The following ABCB10 variants were observed in gnomAD, a reference collection of about 807,000 sequenced individuals.
The protein encoded by ABCB10 is ATP-binding cassette sub-family B member 10, mitochondrial.
A neutral mutation model predicts 65.4 loss-of-function variants in ABCB10; 54 were observed. The ratio of observed to expected loss-of-function variants is 0.83; its 90% CI spans 0.66 to 1.04. The LOEUF is 1.04. Ranked by LOEUF, ABCB10 falls within the 50% of genes least tolerant of loss-of-function variation. The pLI is 0.00. For synonymous variants in ABCB10, 418 were observed against 406.5 expected (o/e 1.03, Z -0.34); for missense variants, 846 against 976.6 (o/e 0.87, Z 1.78).
chr1:229,526,449 C>T (rs1427560732), intron 9 of ABCB10, among the ~76,000 whole-genome samples: 1 of 152,238 alleles, frequency 6.6e-6, no homozygotes, highest in Non-Finnish European at 1.5e-5. Flanking sequence ...TTGAAATACA[C>T]ACAAACCACA....
At chr1:229,522,392 G>A (rs1199691732) in intron 10 of ABCB10, among the ~76,000 whole-genome samples, 1 of 151,940 alleles carries the variant, frequency 6.6e-6, no homozygotes, top group Non-Finnish European at 1.5e-5. Context: ...ATTTTTTGGA[G>A]ACATGGTCTT....
At chr1:229,557,523 T>C (rs184885871) in intron 1 of ABCB10, among the ~76,000 whole-genome samples, 6 of 152,320 alleles carry the variant, frequency 3.9e-5, no homozygotes, top group Admixed American at 3.9e-4. Context: ...TAGAAAACTG[T>C]CCTATTTAAA....
chr1:229,555,979 CAA>C (rs34673510), intron 1 of ABCB10, among the ~76,000 whole-genome samples: 52 of 124,168 alleles, frequency 4.2e-4, no homozygotes, highest in African/African-American at 7.5e-4. Flanking sequence ...GTTTGAAAAG[CAA>C]AAAAAAAAAA....
At chr1:229,552,471 G>A (rs1354711077) in intron 1 of ABCB10, among the ~76,000 whole-genome samples, 1 of 152,156 alleles carries the variant, frequency 6.6e-6, no homozygotes, top group Non-Finnish European at 1.5e-5. Context: ...ATACCTTCAA[G>A]TATCTTTGTT....
At position 229,518,023 on chromosome 1, in the gene ABCB10, G is replaced by A. The variant is rs1662213949; in HGVS notation, c.*156C>T. 7 of 614,508 alleles carry A rather than the reference G, an allele frequency of 1.1e-5. No homozygotes were observed. Among genetic ancestry groups the A allele is most frequent in the Non-Finnish European group, 2.0e-5 (7 of 347,676 alleles). 38.1% of individuals were successfully genotyped at this position (614,508 alleles called of 1,614,324 possible). A position where few individuals can be genotyped will look rare whatever the true frequency, so the allele number is the denominator to read the frequency against. On this transcript the variant is annotated 3_prime_UTR_variant, in exon 13 of 13. Transcript: ENST00000344517. ...TCTGAATAAAAAGATCTTGAGAACA[G>A]GTACGTTTCAAAACAATCTTTTACA...
rs576989689 is a variant in ABCB10 at position 229,533,208 on chromosome 1, T to C, written c.1340-1477A>G. Among the ~76,000 whole-genome samples, 4 of 152,222 alleles carry C rather than the reference T, an allele frequency of 2.6e-5. No homozygotes were observed. The South Asian group carries it at 8.3e-4, about 32-fold the overall frequency. On this transcript the variant is annotated intron_variant, in intron 6 of 12. Coordinates refer to ENST00000344517, the MANE Select transcript of ABCB10 (RefSeq NM_012089.3). ...GGTGTAGTATCTATCACTGAACCTC[T>C]GCCTCCCAGGTTCAAGCAATTCTCC... is the stretch of plus-strand genomic sequence containing the variant.
At chr1:229,527,607 A>C (rs913518415) in intron 8 of ABCB10, among the ~76,000 whole-genome samples, 2 of 152,168 alleles carry the variant, frequency 1.3e-5, no homozygotes, top group Non-Finnish European at 2.9e-5. Flanking sequence ...AAAACTCCCT[A>C]GTGACTTAGG....
At position 229,525,928 on chromosome 1, in the gene ABCB10, A is replaced by G. The variant is rs1334928321; in HGVS notation, c.1906+8T>C. 4 of 1,604,212 alleles carry G rather than the reference A, an allele frequency of 2.5e-6. No individual in the cohort carries two copies. The highest frequency in any genetic ancestry group is 3.4e-6 in the Non-Finnish European group (4 of 1,175,582). ...GAGACTTTGCTACAAAGCAGTAAAG[A>G]AATGCACCTGAGAGGAGAACACCCT... On this transcript the variant is annotated splice_region_variant and intron_variant, in intron 10 of 12. Transcript: ENST00000344517.
intron 6 of ABCB10, among the ~76,000 whole-genome samples, chr1:229,538,773 T>C (rs919214989): frequency 6.6e-6 from 1 of 152,160 alleles, no homozygotes; most frequent in Admixed American, 6.5e-5. Context: ...CACCATAGGA[T>C]ACCTGATAAT....
rs1320849908 is a variant in ABCB10 at position 229,547,744 on chromosome 1, T to C, written c.719-43A>G. The C allele has an allele frequency of 3.8e-6, 6 of 1,593,638 alleles. No individual in the cohort carries two copies. In the East Asian group the frequency reaches 6.7e-5, roughly 18 times the overall value. ...AACAGGCTCACCAAGGGTAAAGACA[T>C]CCATTACCATTATGGGGCAGCCACT... On this transcript the variant is annotated intron_variant, in intron 2 of 12. Transcript: ENST00000344517.
intron 3 of ABCB10, among the ~76,000 whole-genome samples, chr1:229,544,180 G>A (rs1369851727): frequency 2.0e-5 from 3 of 152,216 alleles, no homozygotes; most frequent in Non-Finnish European, 4.4e-5. Flanking sequence ...TCGGGAGGCT[G>A]AGGCAGGCGG....
intron 10 of ABCB10, among the ~76,000 whole-genome samples, chr1:229,525,136 T>G (rs1427519629): frequency 6.6e-6 from 1 of 152,144 alleles, no homozygotes; most frequent in Middle Eastern, 3.2e-3. Context: ...ATTACAGGTG[T>G]GAGCCACCGT....
At chr1:229,529,693 A>T in intron 8 of ABCB10, among the ~76,000 whole-genome samples, 1 of 150,904 alleles carries the variant, frequency 6.6e-6, no homozygotes, top group East Asian at 1.9e-4. Flanking sequence ...AAAAAAAAAA[A>T]GAAGTGAATC....
At chr1:229,550,229 T>C (rs900819118) in intron 1 of ABCB10, among the ~76,000 whole-genome samples, 2 of 152,132 alleles carry the variant, frequency 1.3e-5, no homozygotes, top group Non-Finnish European at 2.9e-5. Context: ...GAGTCTTATC[T>C]GAAGAGAAAA....
At chr1:229,533,012 C>G (rs909225962) in intron 6 of ABCB10, among the ~76,000 whole-genome samples, 1 of 152,116 alleles carries the variant, frequency 6.6e-6, no homozygotes, top group Non-Finnish European at 1.5e-5. Context: ...TCACTATGTT[C>G]CCTAGACTGG....
At chr1:229,541,140 TTTTTG>T (rs1199782535) in intron 4 of ABCB10, among the ~76,000 whole-genome samples, 1 of 152,214 alleles carries the variant, frequency 6.6e-6, no homozygotes, top group Non-Finnish European at 1.5e-5. Flanking sequence ...ATTATGCGTG[TTTTTG>T]TTTTCTCTCT....
chr1:229,525,143 C>G (rs1662408535), intron 10 of ABCB10, among the ~76,000 whole-genome samples: 1 of 152,134 alleles, frequency 6.6e-6, no homozygotes, highest in African/African-American at 2.4e-5. Flanking sequence ...GTGTGAGCCA[C>G]CGTGCCTGGC....
chr1:229,541,292 T>C (rs1045312295), intron 4 of ABCB10, among the ~76,000 whole-genome samples: 4 of 152,186 alleles, frequency 2.6e-5, no homozygotes, highest in African/African-American at 9.7e-5. Flanking sequence ...AATGGCGCAA[T>C]CTCGGCTTAC....
chr1:229,554,549 A>G (rs373264059), intron 1 of ABCB10, among the ~76,000 whole-genome samples: 11 of 152,266 alleles, frequency 7.2e-5, no homozygotes, highest in East Asian at 5.8e-4. Flanking sequence ...GAATACGTAA[A>G]ATTAATTTTA....
Sources: allele counts gnomAD v4.1 joint callset (sites outside exome capture counted in the v4.1 genomes callset), GRCh38; gene constraint gnomAD v4.1.1; transcripts MANE v1.5; gene names NCBI Gene and HGNC (gene_info 2026-07-23, HGNC 2026-07-21).